The following CYP39A1 variants were observed in gnomAD, a reference collection of about 807,000 sequenced individuals.
The protein encoded by CYP39A1 is 24-hydroxycholesterol 7-alpha-hydroxylase.
Under a neutral mutation model 58.1 loss-of-function variants are expected in CYP39A1, and 49 were observed. The observed-to-expected ratio is 0.84, with a 90% CI of 0.67 to 1.07. CYP39A1 has a LOEUF of 1.07. Among genes scored for constraint, CYP39A1 ranks in the 50% least tolerant of loss-of-function variants. The pLI is 0.00. For synonymous variants in CYP39A1, 209 were observed against 187.6 expected (o/e 1.11, Z -0.93); for missense variants, 531 against 539.4 (o/e 0.98, Z 0.16).
At chr6:46,631,305 T>C (rs1775648402) in intron 5 of CYP39A1, among the ~76,000 whole-genome samples, 1 of 152,212 alleles carries the variant, frequency 6.6e-6, no homozygotes, top group Non-Finnish European at 1.5e-5. Context: ...GGCTCAGCTA[T>C]TTAAGAGCTG....
intron 10 of CYP39A1, among the ~76,000 whole-genome samples, chr6:46,569,103 G>T (rs897983594): frequency 6.6e-6 from 1 of 151,898 alleles, no homozygotes; most frequent in African/African-American, 2.4e-5. Flanking sequence ...CACCTTCTTG[G>T]TTTAGCTAAT....
At chr6:46,566,957 T>C (rs1771322813) in intron 10 of CYP39A1, among the ~76,000 whole-genome samples, 1 of 152,124 alleles carries the variant, frequency 6.6e-6, no homozygotes, top group Admixed American at 6.6e-5. Flanking sequence ...ATCCGTCACC[T>C]CATGTGGTTA....
Position 46,636,555 on chromosome 6 carries a change from G to GGGAT in CYP39A1, c.639-77_639-74dup, listed in dbSNP as rs1418305184. On this transcript the variant is annotated intron_variant, in intron 4 of 11. Transcript: ENST00000275016. ...GAATAACAGGTCACAGCATAAAAAAGGGATGTCTGTGGAATTAAAATTAGT... is the reference window on the plus strand; with the variant it reads ...GAATAACAGGTCACAGCATAAAAAAGGGATGGATGTCTGTGGAATTAAAATTAGT... The GGGAT allele has an allele frequency of 1.9e-4, 174 of 906,356 alleles. 1 individual carries two copies. The East Asian group carries it at 3.5e-3, about 18-fold the overall frequency. The allele number at this position is 906,356 out of a possible 1,614,324, so 56.1% of individuals were successfully genotyped here. A position where few individuals can be genotyped will look rare whatever the true frequency, so the allele number is the denominator to read the frequency against.
intron 2 of CYP39A1, among the ~76,000 whole-genome samples, chr6:46,641,769 G>T (rs1239995525): frequency 6.6e-6 from 1 of 152,142 alleles, no homozygotes; most frequent in Non-Finnish European, 1.5e-5. Flanking sequence ...CTAAGCCATG[G>T]AATTCTAGTT....
At chr6:46,623,639 T>C (rs1775116736) in intron 7 of CYP39A1, among the ~76,000 whole-genome samples, 1 of 152,180 alleles carries the variant, frequency 6.6e-6, no homozygotes, top group African/African-American at 2.4e-5. Context: ...TCTCTCTCTT[T>C]ATCTATGTAT....
chr6:46,594,922 A>G (rs1318538276), intron 8 of CYP39A1, among the ~76,000 whole-genome samples: 1 of 152,018 alleles, frequency 6.6e-6, no homozygotes, highest in East Asian at 1.9e-4. Context: ...ACAAGAGGTT[A>G]ATATCCAAAA....
chr6:46,621,555 A>G (rs1280218999), intron 7 of CYP39A1, among the ~76,000 whole-genome samples: 3 of 152,146 alleles, frequency 2.0e-5, no homozygotes, highest in Non-Finnish European at 4.4e-5. Flanking sequence ...CCAACAAATT[A>G]GATAATCTAG....
intron 7 of CYP39A1, among the ~76,000 whole-genome samples, chr6:46,598,774 G>T (rs1322824122): frequency 1.3e-5 from 2 of 152,052 alleles, no homozygotes; most frequent in African/African-American, 2.4e-5. Flanking sequence ...ATTAAAGAAA[G>T]AATAAGTGCT....
At chr6:46,566,444 A>T (rs950031177) in intron 10 of CYP39A1, among the ~76,000 whole-genome samples, 1 of 152,144 alleles carries the variant, frequency 6.6e-6, no homozygotes, top group African/African-American at 2.4e-5. Context: ...GGCGGCAGGA[A>T]GGAGAAGTGT....
chr6:46,638,030 G>A (rs753519037), intron 3 of CYP39A1, 52 bp from the exon 4 acceptor site: 1 of 1,547,284 alleles, frequency 6.5e-7, no homozygotes, highest in South Asian at 1.2e-5. Context: ...AAAGAAGAAA[G>A]GCAAAGGATA....
In CYP39A1 at chr6:46,601,665, C is replaced by T. The variant is rs546191088; in HGVS notation, c.932-5545G>A. On this transcript the variant is annotated intron_variant, in intron 7 of 11. Transcript: ENST00000275016. ...GGCATGTGGCAAAATCTCAGGTTAC[C>T]TATTATTATTATTATTATTATTATT... Among the ~76,000 whole-genome samples, 116 of 145,398 alleles carry T rather than the reference C, an allele frequency of 8.0e-4. No individual in the cohort carries two copies. In the South Asian group the frequency reaches 0.023, roughly 29 times the overall value.
chr6:46,628,685 A>G (rs1775468230), intron 6 of CYP39A1, among the ~76,000 whole-genome samples: 2 of 152,186 alleles, frequency 1.3e-5, no homozygotes, highest in African/African-American at 4.8e-5. Flanking sequence ...GGCTCCAGGA[A>G]AAGACAGGCC....
At chr6:46,613,643 A>G (rs181518902) in intron 7 of CYP39A1, among the ~76,000 whole-genome samples, 7 of 152,168 alleles carry the variant, frequency 4.6e-5, no homozygotes, top group Admixed American at 3.9e-4. Flanking sequence ...TATGTTAAAA[A>G]GCATAGGTGG....
intron 1 of CYP39A1, among the ~76,000 whole-genome samples, chr6:46,644,660 A>G (rs531842053): frequency 6.6e-6 from 1 of 152,338 alleles, no homozygotes; most frequent in East Asian, 1.9e-4. Context: ...ATAAATTCCT[A>G]GAAGTGCAAT....
chr6:46,561,820 A>G (rs1770992643), intron 10 of CYP39A1, among the ~76,000 whole-genome samples: 2 of 152,228 alleles, frequency 1.3e-5, no homozygotes, highest in South Asian at 4.1e-4. Context: ...AGAGCACAAT[A>G]TTAAACATTT....
chr6:46,630,526 A>G (rs7749491), intron 6 of CYP39A1, among the ~76,000 whole-genome samples: 5,945 of 152,208 alleles, frequency 0.039, 373 homozygotes, highest in African/African-American at 0.13. Context: ...CTACAACTAC[A>G]AATTGGGATG....
At chr6:46,651,750 CAA>C (rs1762708673) in intron 1 of CYP39A1, among the ~76,000 whole-genome samples, 1 of 152,094 alleles carries the variant, frequency 6.6e-6, no homozygotes, top group Non-Finnish European at 1.5e-5. Flanking sequence ...TAATATCATA[CAA>C]ATTTATTAGA....
At chr6:46,576,081 GA>G (rs1771830179) in intron 10 of CYP39A1, among the ~76,000 whole-genome samples, 1 of 152,140 alleles carries the variant, frequency 6.6e-6, no homozygotes, top group South Asian at 2.1e-4. Context: ...GGCAAAGGGG[GA>G]GCAAGCTTCT....
chr6:46,581,451 T>C (rs1038762994), intron 10 of CYP39A1, among the ~76,000 whole-genome samples: 1 of 149,992 alleles, frequency 6.7e-6, no homozygotes, highest in Non-Finnish European at 1.5e-5. Context: ...AAAGAAAGTA[T>C]GGTACATAGT....
Sources: gnomAD v4.1 joint callset for allele counts (sites outside exome capture counted in the v4.1 genomes callset) on GRCh38, gnomAD v4.1.1 for gene constraint, MANE v1.5 for transcripts, NCBI Gene and HGNC (gene_info 2026-07-23, HGNC 2026-07-21) for gene names.